WWC2: variants seen among roughly 807,000 people sequenced by gnomAD.
WWC2 encodes the protein WW and C2 domain containing 2, also known as protein WWC2.
WWC2 carries 101 observed loss-of-function variants against 138.5 expected under a neutral mutation model. That is an observed-to-expected ratio of 0.73 (90% confidence interval 0.62 to 0.86). WWC2 has a LOEUF of 0.86. WWC2 is among the 40% of genes least tolerant of loss of function. The probability of loss-of-function intolerance (pLI) is 0.00; values close to 1 mark genes in which losing one functional copy is unlikely to be tolerated. For synonymous variants in WWC2, 558 were observed against 538.4 expected (o/e 1.04, Z -0.50); for missense variants, 1,420 against 1,419.4 (o/e 1.00, Z -0.01).
chr4:183,274,091 T>G (rs1282798001), intron 16 of WWC2, among the ~76,000 whole-genome samples: 1 of 152,240 alleles, frequency 6.6e-6, no homozygotes, highest in Non-Finnish European at 1.5e-5. Context: ...ATGTCTGTAC[T>G]TAAGCTAGTA....
At chr4:183,144,261 A>G (rs946881386) in intron 1 of WWC2, among the ~76,000 whole-genome samples, 1 of 152,016 alleles carries the variant, frequency 6.6e-6, no homozygotes, top group Non-Finnish European at 1.5e-5. Context: ...TGAATCGGGG[A>G]GCTTTTGCTT....
At chr4:183,289,688 C>A in intron 21 of WWC2, 53 bp downstream of exon 21, 1 of 1,584,350 alleles carries the variant, frequency 6.3e-7, no homozygotes. Context: ...TTTTTTAAAG[C>A]GTGCCATGTA....
chr4:183,222,644 A>G (rs1735964774), intron 4 of WWC2, among the ~76,000 whole-genome samples: 2 of 152,292 alleles, frequency 1.3e-5, no homozygotes, highest in South Asian at 4.1e-4. Context: ...TCATCTGGAC[A>G]TGTTACTAGA....
intron 5 of WWC2, 59 bp downstream of exon 5, chr4:183,240,321 A>G: frequency 3.1e-6 from 4 of 1,306,750 alleles, no homozygotes; most frequent in Non-Finnish European, 3.1e-6. Context: ...TATGAATACA[A>G]AGAAAATAGA....
chr4:183,128,795 AT>A (rs985760615), intron 1 of WWC2, among the ~76,000 whole-genome samples: 1 of 152,172 alleles, frequency 6.6e-6, no homozygotes, highest in African/African-American at 2.4e-5. Context: ...GATTTTCTAC[AT>A]TGGCATTCAG....
chr4:183,147,626 G>A (rs1733498780), intron 1 of WWC2, among the ~76,000 whole-genome samples: 1 of 152,142 alleles, frequency 6.6e-6, no homozygotes, highest in African/African-American at 2.4e-5. Flanking sequence ...AGAGAATATT[G>A]AAAAATAATG....
intron 21 of WWC2, among the ~76,000 whole-genome samples, chr4:183,306,055 A>G (rs1429005904): frequency 6.6e-6 from 1 of 152,208 alleles, no homozygotes; most frequent in African/African-American, 2.4e-5. Context: ...GTATAATGTT[A>G]TTTGGAAGTG....
chr4:183,301,215 GT>G (rs1738830301), intron 21 of WWC2, among the ~76,000 whole-genome samples: 1 of 152,098 alleles, frequency 6.6e-6, no homozygotes, highest in African/African-American at 2.4e-5. Context: ...TAAGTCAACA[GT>G]TCCTTATCTG....
chr4:183,203,314 A>G (rs1735353307), intron 2 of WWC2, among the ~76,000 whole-genome samples: 1 of 151,648 alleles, frequency 6.6e-6, no homozygotes, highest in Admixed American at 6.6e-5. Context: ...TTAGTTTTTC[A>G]CAATGCGGGT....
chr4:183,126,573 A>G (rs1418445403), intron 1 of WWC2, among the ~76,000 whole-genome samples: 1 of 152,182 alleles, frequency 6.6e-6, no homozygotes, highest in Non-Finnish European at 1.5e-5. Context: ...ATCAAGTGGC[A>G]GCAGAGTTTC....
intron 21 of WWC2, among the ~76,000 whole-genome samples, chr4:183,302,988 C>T (rs771383102): frequency 6.8e-6 from 1 of 146,892 alleles, no homozygotes; most frequent in Non-Finnish European, 1.5e-5. Flanking sequence ...TGCTTGAGCC[C>T]AGGAGGTGGG....
rs116043625 is a variant in WWC2 at position 183,152,607 on chromosome 4, G to A, written c.132-40992G>A. 3.0e-3 allele frequency among the ~76,000 whole-genome samples: 455 copies of A among 151,670 alleles called. 3 individuals are homozygous for A. The highest frequency in any genetic ancestry group is 0.01 in the African/African-American group (427 of 41,350). The stretch of plus-strand genomic sequence containing the variant: ...GTTTTCGAGAGTTGGGGTCTTGACC[G>A]GGCATGGTGGCTCACACCTGTAATC... On this transcript the variant is annotated intron_variant, in intron 1 of 22. Coordinates refer to ENST00000403733, the MANE Select transcript of WWC2 (RefSeq NM_024949.6).
rs770447568 is a variant in WWC2 at position 183,271,051 on chromosome 4, TTTTTCTTTG to T, written c.2401-20_2401-12del. ...CATTTTATTTTCTCTTCCTTATTTT[TTTTTCTTTG>T]TTTTCTTTCACTTACATAGGCTGGA... On this transcript the variant is annotated intron_variant, in intron 15 of 22. Transcript: ENST00000403733. The T allele has an allele frequency of 6.8e-7, 1 of 1,461,786 alleles. No individual in the cohort carries two copies. The highest frequency in any genetic ancestry group is 9.1e-7 in the Non-Finnish European group (1 of 1,104,000). The allele number at this position is 1,461,786 out of a possible 1,614,324, so 90.6% of individuals were successfully genotyped here.
At chr4:183,246,440 T>C (rs1052976124) in intron 6 of WWC2, among the ~76,000 whole-genome samples, 29 of 152,210 alleles carry the variant, frequency 1.9e-4, no homozygotes, top group Non-Finnish European at 3.4e-4. Context: ...TTTCAAAATA[T>C]TAGTTGAATA....
chr4:183,302,730 C>G (rs964602750), intron 21 of WWC2, among the ~76,000 whole-genome samples: 1 of 152,120 alleles, frequency 6.6e-6, no homozygotes, highest in African/African-American at 2.4e-5. Context: ...TTGTAAGACC[C>G]CACTGTCCCT....
chr4:183,248,676 T>C (rs767211039), intron 6 of WWC2, 38 bp from the exon 7 acceptor site: 1 of 1,537,162 alleles, frequency 6.5e-7, no homozygotes, highest in Admixed American at 1.9e-5. Flanking sequence ...CTGTCTTACT[T>C]GTTAAGCTTT....
chr4:183,203,449 G>A (rs376440258), intron 2 of WWC2: 6 of 151,928 alleles, frequency 3.9e-5, no homozygotes, highest in Admixed American at 2.0e-4. Context: ...TAAGTGCTGA[G>A]GTTCTTATTG....
chr4:183,306,382 A>G (rs544608916), intron 21 of WWC2, among the ~76,000 whole-genome samples: 2 of 152,338 alleles, frequency 1.3e-5, no homozygotes, highest in African/African-American at 4.8e-5. Flanking sequence ...TGTATGTAGG[A>G]AGCCCACTTT....
intron 14 of WWC2, among the ~76,000 whole-genome samples, chr4:183,267,650 C>T (rs553039927): frequency 6.6e-6 from 1 of 152,216 alleles, no homozygotes; most frequent in Non-Finnish European, 1.5e-5. Context: ...TCACTTACCT[C>T]ATAGGATGTC....
Sources: allele counts gnomAD v4.1 joint callset (sites outside exome capture counted in the v4.1 genomes callset), GRCh38; gene constraint gnomAD v4.1.1; transcripts MANE v1.5; gene names NCBI Gene and HGNC (gene_info 2026-07-23, HGNC 2026-07-21).